Variants in CROCC2 observed in about 807,000 individuals in gnomAD.
CROCC2 encodes the protein ciliary rootlet coiled-coil, rootletin family member 2.
In CROCC2, 163 loss-of-function variants were observed where a neutral mutation model predicts 177.6. That is an observed-to-expected ratio of 0.92 (90% CI 0.81 to 1.05). The LOEUF (loss-of-function observed/expected upper bound fraction) is 1.05. Among genes scored for constraint, CROCC2 ranks in the 50% least tolerant of loss-of-function variants. CROCC2 has a pLI of 0.00. For synonymous variants in CROCC2, 904 were observed against 787.3 expected (o/e 1.15, Z -2.48); for missense variants, 1,929 against 1,797.8 (o/e 1.07, Z -1.32).
intron 27 of CROCC2, among the ~76,000 whole-genome samples, chr2:240,971,782 C>T (rs2059722625): frequency 6.6e-6 from 1 of 152,094 alleles, no homozygotes; most frequent in Non-Finnish European, 1.5e-5. Flanking sequence ...AATACTGATC[C>T]CCTGGACCTG....
At chr2:240,944,085 C>T (rs1354891121) in intron 14 of CROCC2, among the ~76,000 whole-genome samples, 2 of 152,162 alleles carry the variant, frequency 1.3e-5, no homozygotes, top group African/African-American at 2.4e-5. Context: ...AATGTTTTCG[C>T]TGGGTATAGA....
At chr2:240,962,038 A>G (rs1023474135) in intron 20 of CROCC2, among the ~76,000 whole-genome samples, 6 of 119,702 alleles carry the variant, frequency 5.0e-5, no homozygotes, top group African/African-American at 1.5e-4. Context: ...ACGCACGCAC[A>G]CACGCGCACA....
At chr2:240,955,508 A>C in intron 18 of CROCC2, 1 of 235,334 alleles carries the variant, frequency 4.2e-6, no homozygotes, top group South Asian at 1.2e-4. Flanking sequence ...GCCTAGAGGG[A>C]TGGGGGTGGC....
intron 20 of CROCC2, among the ~76,000 whole-genome samples, chr2:240,961,073 G>C (rs1000305174): frequency 1.3e-5 from 2 of 151,958 alleles, no homozygotes; most frequent in Non-Finnish European, 2.9e-5. Flanking sequence ...AGCTGAGGAC[G>C]GTTAAGGGGG....
intron 26 of CROCC2, 92 bp downstream of exon 26, chr2:240,967,557 T>C (rs2059691613): frequency 3.9e-5 from 59 of 1,513,672 alleles, no homozygotes; most frequent in Non-Finnish European, 5.2e-5. Context: ...AAGCTTTCAG[T>C]CCCTGGGGCA....
rs1357069345 is a variant in CROCC2, at chr2:240,906,377, G to T, written c.-137G>T. On this transcript the variant is annotated 5_prime_UTR_variant, in exon 1 of 32. Coordinates refer to ENST00000690015, the MANE Select transcript of CROCC2 (RefSeq NM_001351305.2). Reference sequence around the variant, plus strand: ...AGGGCAAGAGCAACTGGGTGCCCAGGCTCGGGACACAAGACTGCAGAGCCA... The same window carrying T: ...AGGGCAAGAGCAACTGGGTGCCCAGTCTCGGGACACAAGACTGCAGAGCCA... 5.0e-6 allele frequency: 2 copies of T among 397,448 alleles called. No homozygotes were observed. Among genetic ancestry groups the T allele is most frequent in the African/African-American group, 4.1e-5 (2 of 48,620 alleles). 24.6% of individuals were successfully genotyped at this position (397,448 alleles called of 1,614,324 possible).
At chr2:240,988,642 TCCTTCCCAGA>T in intron 28 of CROCC2, 87 bp from the exon 29 acceptor site, 1 of 1,217,150 alleles carries the variant, frequency 8.2e-7, no homozygotes, top group Non-Finnish European at 1.1e-6. Flanking sequence ...GAATTCAGAG[TCCTTCCCAGA>T]GGCAACCCTG....
At position 240,934,219 on chromosome 2, in the gene CROCC2, C is replaced by G. The variant is rs187530072; in HGVS notation, c.1647-112C>G. 107 of 1,239,932 alleles carry G rather than the reference C, an allele frequency of 8.6e-5. No individual in the cohort carries two copies. The African/African-American group carries it at 1.5e-3, about 17-fold the overall frequency. 76.8% of individuals were successfully genotyped at this position (1,239,932 alleles called of 1,614,324 possible). A position where few individuals can be genotyped will look rare whatever the true frequency, so the allele number is the denominator to read the frequency against. ...GGTCCTCCAGGGACTCCATGCTCCTCCTGGGCCTCCCTGGGCTTGGAGGGA... is the reference window on the plus strand; with the variant it reads ...GGTCCTCCAGGGACTCCATGCTCCTGCTGGGCCTCCCTGGGCTTGGAGGGA... On this transcript the variant is annotated intron_variant, in intron 11 of 31. Coordinates refer to ENST00000690015, the MANE Select transcript of CROCC2 (RefSeq NM_001351305.2).
intron 1 of CROCC2, among the ~76,000 whole-genome samples, chr2:240,909,829 C>T (rs73105774): frequency 0.2 from 30,684 of 152,054 alleles, 3,193 homozygotes; most frequent in East Asian, 0.23. Flanking sequence ...GGGTGCCAGA[C>T]GCCCAGATCA....
At chr2:240,983,856 G>C (rs1269886351) in intron 28 of CROCC2, among the ~76,000 whole-genome samples, 1 of 152,170 alleles carries the variant, frequency 6.6e-6, no homozygotes, top group East Asian at 1.9e-4. Context: ...TGGAAACCGA[G>C]TGGCCTGACA....
chr2:240,985,538 T>C, intron 28 of CROCC2, among the ~76,000 whole-genome samples: 2 of 69,184 alleles, frequency 2.9e-5, no homozygotes, highest in African/African-American at 6.3e-5. Flanking sequence ...AGGCACTCAC[T>C]CCACACACAC....
Position 240,950,464 on chromosome 2 carries a change from A to T in CROCC2, c.2783A>T (p.Gln928Leu), listed in dbSNP as rs1219058934. Residue 928 changes from glutamine to leucine, a missense_variant, in exon 18 of 32, where the codon CAG (glutamine) becomes CTG (leucine). Gln to Leu is a moderately radical substitution (Grantham distance 113). Coordinates refer to ENST00000690015, the MANE Select transcript of CROCC2 (RefSeq NM_001351305.2). ...AAGGGGGAAATTCAGAGCCTGAAGC[A>T]GGAGCGGGACGAGAGCCTTCTCCAA... is the stretch of plus-strand genomic sequence containing the variant. ...ALKGEIQSLK[Q>L]ERDESLLQLE... is the part of the protein sequence containing the mutation. 1 of 1,550,168 alleles carries T rather than the reference A, an allele frequency of 6.5e-7. No homozygotes were observed. The highest frequency in any genetic ancestry group is 8.7e-7 in the Non-Finnish European group (1 of 1,146,836).
intron 14 of CROCC2, among the ~76,000 whole-genome samples, chr2:240,940,342 C>A (rs972502343): frequency 2.0e-5 from 3 of 152,110 alleles, no homozygotes; most frequent in Non-Finnish European, 4.4e-5. Context: ...TTATCTCTAG[C>A]AATACTCTTT....
intron 3 of CROCC2, among the ~76,000 whole-genome samples, 152 bp downstream of exon 3, chr2:240,920,286 C>T (rs1214545919): frequency 6.6e-6 from 1 of 152,206 alleles, no homozygotes; most frequent in African/African-American, 2.4e-5. Flanking sequence ...CATTCAAACC[C>T]TGGGCAACAG....
Position 240,973,280 on chromosome 2 carries a change from A to G in CROCC2, c.4401+5018A>G, listed in dbSNP as rs1175566015. On this transcript the variant is annotated intron_variant, in intron 27 of 31. Transcript: ENST00000690015. This position sits in a 1 kb window ranked among gnomAD's most constrained non-coding sequence, Gnocchi z 4.7. Reference sequence around the variant, plus strand: ...TTTCCAAGGCTACCCTGGGAATTCAATAGAACAGCCGTGCAGGACCAGCCC... The same window carrying G: ...TTTCCAAGGCTACCCTGGGAATTCAGTAGAACAGCCGTGCAGGACCAGCCC... Among the ~76,000 whole-genome samples, 2 of 152,224 alleles carry G rather than the reference A, an allele frequency of 1.3e-5. No homozygotes were observed. The highest frequency in any genetic ancestry group is 4.8e-5 in the African/African-American group (2 of 41,464).
intron 1 of CROCC2, among the ~76,000 whole-genome samples, chr2:240,906,943 C>T (rs62186580): frequency 3.4e-5 from 2 of 58,620 alleles, no homozygotes; most frequent in East Asian, 4.9e-4. Flanking sequence ...AGGTGGCCGG[C>T]GTCCCTGGCA....
chr2:240,913,502 G>T (rs975746831), intron 1 of CROCC2, among the ~76,000 whole-genome samples: 2 of 152,224 alleles, frequency 1.3e-5, no homozygotes, highest in African/African-American at 2.4e-5. Flanking sequence ...GGAGCAGTGC[G>T]CTGTGTCCGA....
intron 28 of CROCC2, 107 bp from the exon 29 acceptor site, chr2:240,988,632 G>T: frequency 8.5e-7 from 1 of 1,172,260 alleles, no homozygotes; most frequent in African/African-American, 1.6e-5. Flanking sequence ...GCTCTTAGGG[G>T]AATTCAGAGT....
At chr2:240,971,952 A>G (rs1334139605) in intron 27 of CROCC2, among the ~76,000 whole-genome samples, 3 of 151,858 alleles carry the variant, frequency 2.0e-5, no homozygotes, top group African/African-American at 7.3e-5. Flanking sequence ...CTGAGTTTTC[A>G]TTTTGGATTG....
Sources: gnomAD v4.1 joint callset for allele counts (sites outside exome capture counted in the v4.1 genomes callset) on GRCh38, gnomAD v4.1.1 for gene constraint, Gnocchi (gnomAD v3.1) non-coding constraint, MANE v1.5 for transcripts, NCBI Gene and HGNC (gene_info 2026-07-23, HGNC 2026-07-21) for gene names.